Variants in IMMP2L observed in about 807,000 individuals in gnomAD.
IMMP2L encodes the protein mitochondrial inner membrane protease subunit 2.
Under a neutral mutation model 19.3 loss-of-function variants are expected in IMMP2L, and 18 were observed. The observed-to-expected ratio is 0.93, with a 90% confidence interval of 0.64 to 1.38. The LOEUF (loss-of-function observed/expected upper bound fraction) is 1.38, where lower values mean the gene tolerates loss of function less well. IMMP2L is among the 40% of genes most tolerant of loss of function. The probability of loss-of-function intolerance (pLI) is 0.00; values close to 1 mark genes in which losing one functional copy is unlikely to be tolerated. For synonymous variants in IMMP2L, 76 were observed against 73.0 expected (o/e 1.04, Z -0.21); for missense variants, 233 against 218.2 (o/e 1.07, Z -0.43).
chr7:111,047,224 T>C (rs1271689269), intron 3 of IMMP2L, among the ~76,000 whole-genome samples: 3 of 151,960 alleles, frequency 2.0e-5, no homozygotes, highest in Non-Finnish European at 4.4e-5. Flanking sequence ...GTTTCACTCT[T>C]GTTGCCCAAG....
intron 3 of IMMP2L, among the ~76,000 whole-genome samples, chr7:111,089,006 G>C (rs1167688389): frequency 6.6e-6 from 1 of 151,982 alleles, no homozygotes; most frequent in Non-Finnish European, 1.5e-5. Flanking sequence ...ATAAAAATGA[G>C]TATAAAATAT....
At chr7:111,130,265 A>G (rs981589183) in intron 3 of IMMP2L, among the ~76,000 whole-genome samples, 1 of 152,164 alleles carries the variant, frequency 6.6e-6, no homozygotes, top group Non-Finnish European at 1.5e-5. Context: ...GATAAATTCA[A>G]AGCTAGTATC....
intron 5 of IMMP2L, among the ~76,000 whole-genome samples, chr7:110,795,016 T>C (rs1036734594): frequency 9.2e-5 from 14 of 152,016 alleles, no homozygotes; most frequent in Non-Finnish European, 1.8e-4. Flanking sequence ...TTCAGATACA[T>C]GGAGGGAAAC....
chr7:110,804,829 C>T (rs978627824), intron 5 of IMMP2L, among the ~76,000 whole-genome samples: 2 of 152,080 alleles, frequency 1.3e-5, no homozygotes, highest in Admixed American at 6.6e-5. Context: ...ATGTAAGGAA[C>T]TTGTGTCTCT....
chr7:110,727,662 A>C lies in IMMP2L; in HGVS notation c.409-63941T>G, dbSNP rs551039023. Among the ~76,000 whole-genome samples, 149 of 152,290 alleles carry C rather than the reference A, an allele frequency of 9.8e-4. No homozygotes were observed. Among genetic ancestry groups the C allele is most frequent in the African/African-American group, 3.5e-3 (144 of 41,560 alleles). ...CCTCAAGGAGAGAAGCTTTAACTTT[A>C]AAAAATATTAGAATATTAAATATAA... On this transcript the variant is annotated intron_variant, in intron 5 of 5. Coordinates refer to ENST00000405709, the MANE Select transcript of IMMP2L (RefSeq NM_032549.4). The surrounding 1 kb of genome is among the most constrained non-coding windows in gnomAD (Gnocchi z 4.3).
chr7:111,445,812 G>C (rs544026051), intron 3 of IMMP2L, among the ~76,000 whole-genome samples: 170 of 152,292 alleles, frequency 1.1e-3, no homozygotes, highest in Middle Eastern at 6.8e-3. Flanking sequence ...CATCTCACTA[G>C]GGAGTGCCAG....
Position 110,662,898 on chromosome 7 carries a change from T to C in IMMP2L, c.*704A>G, listed in dbSNP as rs980348483. Among the ~76,000 whole-genome samples the C allele has an allele frequency of 6.6e-6, 1 of 152,226 alleles. No homozygotes were observed. Among genetic ancestry groups the C allele is most frequent in the Non-Finnish European group, 1.5e-5 (1 of 68,042 alleles). On this transcript the variant is annotated 3_prime_UTR_variant, in exon 6 of 6. Coordinates refer to ENST00000405709, the MANE Select transcript of IMMP2L (RefSeq NM_032549.4). Reference sequence around the variant, plus strand: ...TAGGCATGAGATCACTCAGAAATGTTGGATTACAAAGGGCCAATAAGAAAG... The same window carrying C: ...TAGGCATGAGATCACTCAGAAATGTCGGATTACAAAGGGCCAATAAGAAAG...
chr7:111,315,928 G>A (rs968115703), intron 3 of IMMP2L, among the ~76,000 whole-genome samples: 1 of 152,096 alleles, frequency 6.6e-6, no homozygotes, highest in Non-Finnish European at 1.5e-5. Flanking sequence ...AACACATTCT[G>A]AGAAAAGCAT....
chr7:110,913,515 A>AG (rs1308234381), intron 4 of IMMP2L, among the ~76,000 whole-genome samples: 4 of 152,236 alleles, frequency 2.6e-5, no homozygotes, highest in Non-Finnish European at 2.9e-5. Context: ...GGACCTGCAT[A>AG]GACATTTTTC....
At chr7:110,967,190 G>A (rs767920434) in intron 3 of IMMP2L, among the ~76,000 whole-genome samples, 16 of 152,022 alleles carry the variant, frequency 1.1e-4, no homozygotes, top group Admixed American at 1.3e-4. Context: ...TAACCAGAAT[G>A]GTTGCAGGCC....
chr7:110,946,126 A>G (rs1391223598), intron 4 of IMMP2L, among the ~76,000 whole-genome samples: 1 of 152,192 alleles, frequency 6.6e-6, no homozygotes, highest in African/African-American at 2.4e-5. Context: ...AATCACCTGG[A>G]GTGCCTGTTA....
At chr7:111,549,077 T>G (rs895202681) in intron 1 of IMMP2L, among the ~76,000 whole-genome samples, 1 of 152,132 alleles carries the variant, frequency 6.6e-6, no homozygotes, top group Non-Finnish European at 1.5e-5. Flanking sequence ...AGTGAGACAT[T>G]TTCAGCAAAA....
At chr7:111,441,272 G>A (rs553561854) in intron 3 of IMMP2L, among the ~76,000 whole-genome samples, 14 of 151,836 alleles carry the variant, frequency 9.2e-5, no homozygotes, top group African/African-American at 1.9e-4. Context: ...CTTTCAACAC[G>A]CCCTCCTCAC....
intron 4 of IMMP2L, among the ~76,000 whole-genome samples, chr7:110,961,760 A>G (rs1032107253): frequency 1.3e-5 from 2 of 152,056 alleles, no homozygotes; most frequent in Non-Finnish European, 2.9e-5. Context: ...TGCACAATAT[A>G]GAGAAACCTA....
At chr7:110,853,767 G>A (rs928588452) in intron 5 of IMMP2L, among the ~76,000 whole-genome samples, 8 of 151,814 alleles carry the variant, frequency 5.3e-5, no homozygotes, top group African/African-American at 1.9e-4. Context: ...AAAGATAAAT[G>A]GTAAACATAA....
At chr7:110,745,909 C>T (rs1797308234) in intron 5 of IMMP2L, among the ~76,000 whole-genome samples, 1 of 152,052 alleles carries the variant, frequency 6.6e-6, no homozygotes, top group Non-Finnish European at 1.5e-5. Context: ...CAATATTAAC[C>T]TTAAATGTAA....
chr7:111,273,146 G>A (rs900077774), intron 3 of IMMP2L, among the ~76,000 whole-genome samples: 9 of 151,880 alleles, frequency 5.9e-5, no homozygotes, highest in African/African-American at 4.8e-5. Flanking sequence ...GCATGGTGGC[G>A]GGCATCTGTA....
In IMMP2L at chr7:110,980,348, C is replaced by G. The variant is rs1231142831; in HGVS notation, c.240-16783G>C. Reference sequence around the variant, plus strand: ...GTTCACGCCATTCTCCTGCCTCAGCCTCTCCGAGTAGCTGGGACTACAGGC... The same window carrying G: ...GTTCACGCCATTCTCCTGCCTCAGCGTCTCCGAGTAGCTGGGACTACAGGC... On this transcript the variant is annotated intron_variant, in intron 3 of 5. Coordinates refer to ENST00000405709, the MANE Select transcript of IMMP2L (RefSeq NM_032549.4). Among the ~76,000 whole-genome samples, 3 of 151,208 alleles carry G rather than the reference C, an allele frequency of 2.0e-5. No homozygotes were observed. In the East Asian group the frequency reaches 5.9e-4, roughly 30 times the overall value.
chr7:111,196,568 CTATT>C (rs927254535), intron 3 of IMMP2L, among the ~76,000 whole-genome samples: 3 of 152,044 alleles, frequency 2.0e-5, no homozygotes, highest in African/African-American at 7.2e-5. Flanking sequence ...TTTTAAAAAA[CTATT>C]TAGTTAATAA....
Sources: gnomAD v4.1 joint callset for allele counts (sites outside exome capture counted in the v4.1 genomes callset) on GRCh38, gnomAD v4.1.1 for gene constraint, Gnocchi (gnomAD v3.1) non-coding constraint, MANE v1.5 for transcripts, NCBI Gene and HGNC (gene_info 2026-07-23, HGNC 2026-07-21) for gene names.